The following ACSS2 variants were observed in gnomAD, a reference collection of about 807,000 sequenced individuals.
The protein encoded by ACSS2 is acyl-CoA synthetase short chain family member 2, also known as acetyl-coenzyme A synthetase, cytoplasmic.
Under a neutral mutation model 90.6 loss-of-function variants are expected in ACSS2, and 58 were observed. That is an observed-to-expected ratio of 0.64 (90% confidence interval 0.52 to 0.80). The LOEUF is 0.80. Among genes scored for constraint, ACSS2 ranks in the 30% least tolerant of loss-of-function variants. ACSS2 has a pLI of 0.00. For missense variants in ACSS2, 759 were observed against 912.0 expected (o/e 0.83, Z 2.16); for synonymous variants, 300 against 330.9 (o/e 0.91, Z 1.01).
rs1361473372 is a variant in ACSS2 at position 34,927,865 on chromosome 20, C to G, written c.*651C>G. The G allele has an allele frequency of 1.3e-5, 2 of 152,960 alleles. No individual in the cohort carries two copies. Among genetic ancestry groups the G allele is most frequent in the Non-Finnish European group, 2.9e-5 (2 of 68,582 alleles). The allele number at this position is 152,960 out of a possible 1,614,324, so 9.5% of individuals were successfully genotyped here. The stretch of plus-strand genomic sequence containing the variant: ...GTTCCCACCCTCCCCTGAACAGAAC[C>G]CAGCCCATAAGAGACATTCTCAGAT... On this transcript the variant is annotated 3_prime_UTR_variant, in exon 18 of 18. Coordinates refer to ENST00000360596, the MANE Select transcript of ACSS2 (RefSeq NM_018677.4). This position sits in a 1 kb window ranked among gnomAD's most constrained non-coding sequence, Gnocchi z 4.2.
At chr20:34,906,396 A>G (rs2080806874) in intron 2 of ACSS2, among the ~76,000 whole-genome samples, 1 of 151,962 alleles carries the variant, frequency 6.6e-6, no homozygotes, top group African/African-American at 2.4e-5. Context: ...CAGTAGGCCA[A>G]TACCCTGCCC....
intron 14 of ACSS2, among the ~76,000 whole-genome samples, chr20:34,924,573 A>C (rs1459148964): frequency 1.3e-5 from 2 of 152,216 alleles, no homozygotes; most frequent in African/African-American, 4.8e-5. Flanking sequence ...CGTAGCAAGC[A>C]AAGGGAAGAA....
intron 2 of ACSS2, among the ~76,000 whole-genome samples, chr20:34,904,905 CTTTTT>C (rs10542624): frequency 1.1e-5 from 1 of 94,584 alleles, no homozygotes; most frequent in Non-Finnish European, 2.0e-5. Context: ...GTGTTTAAAC[CTTTTT>C]TTTTTTTTTT....
intron 2 of ACSS2, among the ~76,000 whole-genome samples, chr20:34,898,599 T>A (rs926534199): frequency 6.6e-6 from 1 of 152,110 alleles, no homozygotes; most frequent in African/African-American, 2.4e-5. Flanking sequence ...CCCACCAGAG[T>A]AGCTAGATAC....
At chr20:34,875,121 C>T (rs1004800151), upstream of ACSS2, 2 of 534,590 alleles carry the variant, frequency 3.7e-6, no homozygotes, top group Non-Finnish European at 7.7e-6. Flanking sequence ...GTGGGCACTT[C>T]TTTGTGGTGA....
intron 2 of ACSS2, among the ~76,000 whole-genome samples, chr20:34,886,746 A>G (rs1245284596): frequency 1.3e-5 from 2 of 152,304 alleles, no homozygotes; most frequent in South Asian, 2.1e-4. Flanking sequence ...TTTTCCTCCC[A>G]AAGTTCTCCC....
intron 2 of ACSS2, among the ~76,000 whole-genome samples, chr20:34,910,243 A>T (rs2080919964): frequency 6.6e-6 from 1 of 152,194 alleles, no homozygotes; most frequent in African/African-American, 2.4e-5. Context: ...GACTTCTTGC[A>T]AAGTAATTAT....
In ACSS2 at chr20:34,914,287, A is replaced by G. The variant is rs767029814; in HGVS notation, c.720-36A>G. 5 of 1,606,026 alleles carry G rather than the reference A, an allele frequency of 3.1e-6. No individual in the cohort carries two copies. In the South Asian group the frequency reaches 5.5e-5, roughly 18 times the overall value. Reference sequence around the variant, plus strand: ...GGTCTTGCCAAGTTCCCTTTGAGCCAACAAGGCTACCACTTTAGGCTTTTC... The same window carrying G: ...GGTCTTGCCAAGTTCCCTTTGAGCCGACAAGGCTACCACTTTAGGCTTTTC... On this transcript the variant is annotated intron_variant, in intron 6 of 17. Transcript: ENST00000360596.
intron 13 of ACSS2, 35 bp downstream of exon 13, chr20:34,921,901 G>A: frequency 6.3e-7 from 1 of 1,589,932 alleles, no homozygotes; most frequent in Non-Finnish European, 8.5e-7. Context: ...TTTAAGGAGA[G>A]AGGGAAAGGG....
rs538878687 is a variant in ACSS2, at chr20:34,926,668, G to C, written c.1904-209G>C. ...AAAGGTGGCATTTAAACTCTAGCAG[G>C]CTCATTCTACAGCCTGAGTTCCATA... On this transcript the variant is annotated intron_variant, in intron 16 of 17. Transcript: ENST00000360596. Among the ~76,000 whole-genome samples, 20 of 152,178 alleles carry C rather than the reference G, an allele frequency of 1.3e-4. 1 individual carries two copies. Among genetic ancestry groups the C allele is most frequent in the Admixed American group, 5.2e-4 (8 of 15,282 alleles).
chr20:34,907,063 T>C (rs1370286961), intron 2 of ACSS2, among the ~76,000 whole-genome samples: 1 of 150,288 alleles, frequency 6.7e-6, no homozygotes, highest in Non-Finnish European at 1.5e-5. Flanking sequence ...ATATAAGTAA[T>C]TAACATACAT....
Position 34,897,990 on chromosome 20 carries a change from G to A in ACSS2, c.374+15001G>A, listed in dbSNP as rs189798258. Among the ~76,000 whole-genome samples the A allele has an allele frequency of 1.3e-3, 198 of 152,284 alleles. 1 individual carries two copies. The highest frequency in any genetic ancestry group is 1.8e-4 in the Non-Finnish European group (12 of 68,028). On this transcript the variant is annotated intron_variant, in intron 2 of 17. Coordinates refer to ENST00000360596, the MANE Select transcript of ACSS2 (RefSeq NM_018677.4). Reference sequence around the variant, plus strand: ...GAAGCCGTGGACCCTCACGGTGAGTGTTACAGCTCTTAAGGTGGCACGTCT... The same window carrying A: ...GAAGCCGTGGACCCTCACGGTGAGTATTACAGCTCTTAAGGTGGCACGTCT...
chr20:34,911,158 T>C (rs1402587988), intron 2 of ACSS2, among the ~76,000 whole-genome samples: 1 of 150,034 alleles, frequency 6.7e-6, no homozygotes, highest in African/African-American at 2.5e-5. Flanking sequence ...GCTGGGACTA[T>C]AGGTGCATGA....
intron 2 of ACSS2, among the ~76,000 whole-genome samples, chr20:34,910,204 A>G (rs2080918403): frequency 1.3e-5 from 2 of 152,100 alleles, no homozygotes; most frequent in African/African-American, 4.8e-5. Flanking sequence ...TGATATCTCA[A>G]GGGTCTTATT....
At position 34,926,912 on chromosome 20, in the gene ACSS2, T is replaced by C. The variant is rs1364409251; in HGVS notation, c.1939T>C (p.Tyr647His). 3 of 1,614,016 alleles carry C rather than the reference T, an allele frequency of 1.9e-6. No individual in the cohort carries two copies. The highest frequency in any genetic ancestry group is 2.5e-6 in the Non-Finnish European group (3 of 1,180,028). Residue 647 changes from tyrosine to histidine, a missense_variant, in exon 17 of 18, where the codon TAC (tyrosine) becomes CAC (histidine). Physicochemically the swap from Tyr to His is moderately conservative, Grantham distance 83. Transcript: ENST00000360596. Reference sequence around the variant, plus strand: ...GATTGGCCCCATTGCCACACCAGACTACATCCAGAATGCACCTGGCTTGCC... The same window carrying C: ...GATTGGCCCCATTGCCACACCAGACCACATCCAGAATGCACCTGGCTTGCC... The part of the protein sequence containing the change: ...EKIGPIATPD[Y>H]IQNAPGLPKT...
upstream of ACSS2, chr20:34,876,321 A>G (rs1004676683): frequency 1.0e-5 from 2 of 197,632 alleles, no homozygotes; most frequent in African/African-American, 5.8e-5. Context: ...CTCCCTTGGC[A>G]CTCCACGGTT....
At position 34,919,590 on chromosome 20, in the gene ACSS2, TG is replaced by T; in HGVS notation, c.972+19del. ...AACCCAAGGCAAGTGTGTGTGTGTG[TG>T]TGTGTGTGTGTGTGTGTGTGTGTGT... On this transcript the variant is annotated intron_variant, in intron 8 of 17. Coordinates refer to ENST00000360596, the MANE Select transcript of ACSS2 (RefSeq NM_018677.4). 1 of 1,541,834 alleles carries T rather than the reference TG, an allele frequency of 6.5e-7. No homozygotes were observed.
At chr20:34,879,345 T>A (rs1424229383) in intron 1 of ACSS2, among the ~76,000 whole-genome samples, 4 of 152,128 alleles carry the variant, frequency 2.6e-5, no homozygotes, top group African/African-American at 9.7e-5. Context: ...TCCCACCTTC[T>A]TGCCTTTGTT....
rs765349916 is a variant in ACSS2 at position 34,919,578 on chromosome 20, TG to T, written c.972+7del. 1 of 216,832 alleles carries T rather than the reference TG, an allele frequency of 4.6e-6. No individual in the cohort carries two copies. Among genetic ancestry groups the T allele is most frequent in the Admixed American group, 9.4e-5 (1 of 10,614 alleles). 13.4% of individuals were successfully genotyped at this position (216,832 alleles called of 1,614,324 possible). On this transcript the variant is annotated splice_region_variant and intron_variant, in intron 8 of 17. Transcript: ENST00000360596. ...GCTCCACAGGCAAACCCAAGGCAAG[TG>T]TGTGTGTGTGTGTGTGTGTGTGTGT...
Sources: gnomAD v4.1 joint callset for allele counts (sites outside exome capture counted in the v4.1 genomes callset) on GRCh38, gnomAD v4.1.1 for gene constraint, Gnocchi (gnomAD v3.1) non-coding constraint, MANE v1.5 for transcripts, NCBI Gene and HGNC (gene_info 2026-07-23, HGNC 2026-07-21) for gene names.